The following ANKRD45 variants were observed in gnomAD, a reference collection of about 807,000 sequenced individuals.
ANKRD45 encodes ankyrin repeat domain-containing protein 45.
Under a neutral mutation model 28.1 loss-of-function variants are expected in ANKRD45, and 21 were observed. The ratio of observed to expected loss-of-function variants is 0.75; its 90% CI spans 0.53 to 1.08. The LOEUF is 1.08. ANKRD45 is among the 50% of genes least tolerant of loss of function. The pLI is 0.00. For synonymous variants in ANKRD45, 86 were observed against 103.9 expected, an observed-to-expected ratio of 0.83 and a Z score of 1.05; for missense variants, 261 against 308.7, an observed-to-expected ratio of 0.85 and a Z score of 1.16.
At chr1:173,617,219 A>G (rs1285132059) in intron 5 of ANKRD45, among the ~76,000 whole-genome samples, 2 of 152,114 alleles carry the variant, frequency 1.3e-5, no homozygotes, top group African/African-American at 4.8e-5. Flanking sequence ...CAGGAGATCC[A>G]TTTATATGCT....
At chr1:173,685,991 T>A in the ANKRD45 span, among the ~76,000 whole-genome samples, 1 of 152,184 alleles carries the variant, frequency 6.6e-6, no homozygotes, top group East Asian at 1.9e-4. Flanking sequence ...TGCTCTTTAG[T>A]GGTCCACAGA....
chr1:173,686,018 A>G, the ANKRD45 span, among the ~76,000 whole-genome samples: 1 of 152,194 alleles, frequency 6.6e-6, no homozygotes, highest in African/African-American at 2.4e-5. Flanking sequence ...GACCAACTAC[A>G]GCATAAAAGC....
intron 1 of ANKRD45, among the ~76,000 whole-genome samples, chr1:173,665,019 A>C (rs1403122829): frequency 6.6e-6 from 1 of 152,240 alleles, no homozygotes; most frequent in Non-Finnish European, 1.5e-5. Flanking sequence ...AAAATAAATT[A>C]GGTGATGTAC....
intron 1 of ANKRD45, among the ~76,000 whole-genome samples, chr1:173,660,126 A>G (rs1391949865): frequency 6.6e-6 from 1 of 152,154 alleles, no homozygotes; most frequent in African/African-American, 2.4e-5. Context: ...CCGTGTTGTA[A>G]CAAGGTTTGA....
At chr1:173,631,898 T>G in intron 3 of ANKRD45, among the ~76,000 whole-genome samples, 1 of 150,460 alleles carries the variant, frequency 6.6e-6, no homozygotes, top group East Asian at 2.0e-4. Flanking sequence ...ATACAAAAAC[T>G]TCAAATAAAC....
At chr1:173,669,500 G>A in intron 1 of ANKRD45, 1 of 456,078 alleles carries the variant, frequency 2.2e-6, no homozygotes, top group South Asian at 1.6e-5. Flanking sequence ...GAAGGCCTGA[G>A]GAACAGGATA....
At chr1:173,651,895 TTC>T (rs887580075) in intron 2 of ANKRD45, among the ~76,000 whole-genome samples, 2 of 152,194 alleles carry the variant, frequency 1.3e-5, no homozygotes, top group African/African-American at 4.8e-5. Flanking sequence ...GGCTCTCTGT[TTC>T]TCTGTTATTG....
chr1:173,613,702 C>A (rs1667330612), intron 5 of ANKRD45, among the ~76,000 whole-genome samples: 1 of 152,002 alleles, frequency 6.6e-6, no homozygotes, highest in African/African-American at 2.4e-5. Flanking sequence ...GGGGGCGCCT[C>A]TGCCCGGCCG....
rs535998577 is a variant in ANKRD45 at position 173,613,403 on chromosome 1, C to T, written c.731-3188G>A. On this transcript the variant is annotated intron_variant, in intron 5 of 5. Coordinates refer to ENST00000333279, the MANE Select transcript of ANKRD45 (RefSeq NM_198493.3). ...GGAGCCCCTCCGCCTGGCAGCTGCCCCGTCTGGGAAGTGAGGAGCATCTCC... is the reference window on the plus strand; with the variant it reads ...GGAGCCCCTCCGCCTGGCAGCTGCCTCGTCTGGGAAGTGAGGAGCATCTCC... Among the ~76,000 whole-genome samples the T allele has an allele frequency of 2.6e-5, 4 of 152,066 alleles. No homozygotes were observed. In the South Asian group the frequency reaches 6.2e-4, roughly 24 times the overall value.
At chr1:173,638,071 T>A (rs1668532834) in intron 3 of ANKRD45, among the ~76,000 whole-genome samples, 1 of 150,482 alleles carries the variant, frequency 6.6e-6, no homozygotes, top group Non-Finnish European at 1.5e-5. Flanking sequence ...AAGTATTTCC[T>A]TGGTGGTCAG....
At chr1:173,656,887 T>G (rs887313084) in intron 2 of ANKRD45, among the ~76,000 whole-genome samples, 6 of 151,372 alleles carry the variant, frequency 4.0e-5, no homozygotes, top group Non-Finnish European at 8.9e-5. Context: ...CCTATTTCCC[T>G]AAGAGCTTTC....
chr1:173,637,928 G>C lies in ANKRD45; in HGVS notation c.496+8918C>G, dbSNP rs117572995. ...CCATTGTAGCAGCCCCTGGAGGACA[G>C]CCAGGACCTACCCGGAGCAAGGAAT... is the stretch of plus-strand genomic sequence containing the variant. On this transcript the variant is annotated intron_variant, in intron 3 of 5. Transcript: ENST00000333279. Among the ~76,000 whole-genome samples, 749 of 152,302 alleles carry C rather than the reference G, an allele frequency of 4.9e-3. 20 individuals are homozygous for C. Among genetic ancestry groups the C allele is most frequent in the Admixed American group, 0.035 (537 of 15,294 alleles).
chr1:173,635,052 T>C (rs1398765083), intron 3 of ANKRD45, among the ~76,000 whole-genome samples: 1 of 152,028 alleles, frequency 6.6e-6, no homozygotes, highest in East Asian at 1.9e-4. Context: ...AGAGGTGACA[T>C]GAGTAAATTG....
At chr1:173,611,268 A>G (rs907250442) in intron 5 of ANKRD45, among the ~76,000 whole-genome samples, 1 of 152,088 alleles carries the variant, frequency 6.6e-6, no homozygotes, top group Non-Finnish European at 1.5e-5. Context: ...TTTCTTCATG[A>G]TGCTTTATCT....
the ANKRD45 span, among the ~76,000 whole-genome samples, chr1:173,699,171 CAAT>C: frequency 6.6e-6 from 1 of 152,082 alleles, no homozygotes; most frequent in African/African-American, 2.4e-5. Context: ...GAAATTGTGG[CAAT>C]AATTAATAGC....
upstream of ANKRD45, among the ~76,000 whole-genome samples, chr1:173,673,179 C>T (rs1670312477): frequency 2.0e-5 from 3 of 149,582 alleles, no homozygotes; most frequent in African/African-American, 7.4e-5. Context: ...GGTGTCATCT[C>T]GGCTCACTGC....
At chr1:173,675,094 C>T in the ANKRD45 span, among the ~76,000 whole-genome samples, 17 of 152,014 alleles carry the variant, frequency 1.1e-4, no homozygotes, top group South Asian at 3.5e-3. Flanking sequence ...CAATATAGGC[C>T]ATATTGCTCT....
chr1:173,660,409 G>A (rs1459734982), intron 1 of ANKRD45, among the ~76,000 whole-genome samples: 1 of 152,176 alleles, frequency 6.6e-6, no homozygotes, highest in Non-Finnish European at 1.5e-5. Flanking sequence ...GTATATAACT[G>A]TTAAAAGAAA....
chr1:173,680,901 G>C, the ANKRD45 span, among the ~76,000 whole-genome samples: 1 of 144,436 alleles, frequency 6.9e-6, no homozygotes, highest in Admixed American at 7.1e-5. Context: ...ATTCATAAGT[G>C]AGAGTTGAAC....
Sources: gnomAD v4.1 joint callset for allele counts (sites outside exome capture counted in the v4.1 genomes callset) on GRCh38, gnomAD v4.1.1 for gene constraint, MANE v1.5 for transcripts, NCBI Gene and HGNC (gene_info 2026-07-23, HGNC 2026-07-21) for gene names.